The following CERS6 variants were observed in gnomAD, a reference collection of about 807,000 sequenced individuals.
CERS6 encodes ceramide synthase 6, also known as LAG1 homolog, ceramide synthase 6.
CERS6 carries 26 observed loss-of-function variants against 56.8 expected under a neutral mutation model. The observed-to-expected ratio is 0.46, with a 90% CI of 0.34 to 0.63. The LOEUF (loss-of-function observed/expected upper bound fraction) is 0.63. Among genes scored for constraint, CERS6 ranks in the 30% least tolerant of loss-of-function variants. The probability of loss-of-function intolerance (pLI) is 0.01; values close to 1 mark genes in which losing one functional copy is unlikely to be tolerated. For synonymous variants in CERS6, 164 were observed against 173.3 expected, an observed-to-expected ratio of 0.95 and a Z score of 0.42; for missense variants, 415 against 467.5, an observed-to-expected ratio of 0.89 and a Z score of 1.04.
chr2:168,743,536 G>T, intron 8 of CERS6, among the ~76,000 whole-genome samples: 1 of 95,450 alleles, frequency 1.0e-5, no homozygotes, highest in Admixed American at 1.3e-4. Context: ...TTGGGAAGCT[G>T]AGGCGAGACT....
intron 3 of CERS6, among the ~76,000 whole-genome samples, chr2:168,594,339 C>T (rs1395988823): frequency 6.6e-6 from 1 of 152,132 alleles, no homozygotes; most frequent in African/African-American, 2.4e-5. Context: ...AATCCTAGCA[C>T]TTTGGGAGGC....
At chr2:168,651,909 A>G (rs1337567379) in intron 4 of CERS6, among the ~76,000 whole-genome samples, 1 of 152,216 alleles carries the variant, frequency 6.6e-6, no homozygotes, top group Non-Finnish European at 1.5e-5. Flanking sequence ...CAGGCAGTTC[A>G]TAAGGCAAGG....
At chr2:168,527,068 C>T (rs1315889141) in intron 1 of CERS6, among the ~76,000 whole-genome samples, 1 of 152,180 alleles carries the variant, frequency 6.6e-6, no homozygotes, top group Non-Finnish European at 1.5e-5. Flanking sequence ...TTGCCGGCTT[C>T]TTCCCTATAG....
At chr2:168,744,527 C>T (rs1372754262) in intron 8 of CERS6, among the ~76,000 whole-genome samples, 2 of 152,184 alleles carry the variant, frequency 1.3e-5, no homozygotes, top group Non-Finnish European at 2.9e-5. Flanking sequence ...AAGCTTTGAG[C>T]AGCTCTCAGT....
At chr2:168,486,859 A>G (rs530479383) in intron 1 of CERS6, among the ~76,000 whole-genome samples, 1 of 152,162 alleles carries the variant, frequency 6.6e-6, no homozygotes, top group Non-Finnish European at 1.5e-5. Flanking sequence ...AGCATTTCAC[A>G]TCTCCTTGTC....
intron 3 of CERS6, among the ~76,000 whole-genome samples, chr2:168,626,458 C>A (rs1318760088): frequency 6.6e-6 from 1 of 152,132 alleles, no homozygotes; most frequent in Non-Finnish European, 1.5e-5. Flanking sequence ...GCTTCAAATG[C>A]ACATTTTAGT....
intron 1 of CERS6, among the ~76,000 whole-genome samples, chr2:168,496,907 G>GCAGC (rs1455651066): frequency 6.6e-6 from 1 of 152,202 alleles, no homozygotes; most frequent in Non-Finnish European, 1.5e-5. Flanking sequence ...CTGACAATTT[G>GCAGC]CAGCCATCAC....
chr2:168,630,927 A>G (rs1188100614), intron 3 of CERS6, 58 bp from the exon 4 acceptor site: 14 of 747,140 alleles, frequency 1.9e-5, no homozygotes, highest in South Asian at 1.7e-4. Context: ...TACATATTTC[A>G]GTATATGCTG....
intron 3 of CERS6, among the ~76,000 whole-genome samples, chr2:168,610,039 G>A (rs181633375): frequency 0.017 from 2,518 of 146,612 alleles, 26 homozygotes; most frequent in Middle Eastern, 0.038. Flanking sequence ...GTGCAGTGGC[G>A]CGACCTCGGC....
intron 3 of CERS6, among the ~76,000 whole-genome samples, chr2:168,621,297 T>C (rs116685219): frequency 0.024 from 3,728 of 152,314 alleles, 163 homozygotes; most frequent in African/African-American, 0.085. Flanking sequence ...GAAGTCATAT[T>C]GACTGAATTT....
chr2:168,698,944 G>A (rs2105370376), intron 6 of CERS6, among the ~76,000 whole-genome samples: 1 of 152,282 alleles, frequency 6.6e-6, no homozygotes, highest in South Asian at 2.1e-4. Flanking sequence ...GATTAGATTT[G>A]TACATTCCTG....
rs575469649 is a variant in CERS6, at chr2:168,531,973, A to G, written c.171-15623A>G. On this transcript the variant is annotated intron_variant, in intron 1 of 9. Coordinates refer to ENST00000305747, the MANE Select transcript of CERS6 (RefSeq NM_203463.3). ...CCATTGTGAGAGGTGCTCAGACAAAATTTGCCAGGTAGATTTTATTGTCTT... is the reference window on the plus strand; with the variant it reads ...CCATTGTGAGAGGTGCTCAGACAAAGTTTGCCAGGTAGATTTTATTGTCTT... Among the ~76,000 whole-genome samples, 51 of 152,254 alleles carry G rather than the reference A, an allele frequency of 3.3e-4. 2 individuals carry two copies. The South Asian group carries it at 0.01, about 30-fold the overall frequency.
intron 3 of CERS6, among the ~76,000 whole-genome samples, chr2:168,577,290 C>T (rs78581287): frequency 6.2e-4 from 95 of 152,254 alleles, no homozygotes; most frequent in Non-Finnish European, 1.0e-3. Flanking sequence ...AGACATTCAT[C>T]GTTGGCTGTG....
chr2:168,689,821 A>G (rs1207840040), intron 4 of CERS6, among the ~76,000 whole-genome samples: 1 of 152,188 alleles, frequency 6.6e-6, no homozygotes. Flanking sequence ...GGTTTAGGGC[A>G]GTGCATGGCT....
rs148695023 is a variant in CERS6, at chr2:168,731,369, A to G, written c.845+13391A>G. On this transcript the variant is annotated intron_variant, in intron 8 of 9. Coordinates refer to ENST00000305747, the MANE Select transcript of CERS6 (RefSeq NM_203463.3). ...GTAAAATATTTTTCAGTGGCTTTTT[A>G]TTATACCTTTTGACTAATAATAAAT... Among the ~76,000 whole-genome samples, 593 of 152,272 alleles carry G rather than the reference A, an allele frequency of 3.9e-3. 2 individuals are homozygous for G. The highest frequency in any genetic ancestry group is 0.013 in the African/African-American group (556 of 41,560).
intron 7 of CERS6, among the ~76,000 whole-genome samples, chr2:168,715,618 A>G (rs2105390027): frequency 6.6e-6 from 1 of 152,264 alleles, no homozygotes; most frequent in East Asian, 1.9e-4. Context: ...TGTTTTCTAT[A>G]TATGTAAGTA....
At chr2:168,622,982 T>G (rs1182579333) in intron 3 of CERS6, among the ~76,000 whole-genome samples, 1 of 152,240 alleles carries the variant, frequency 6.6e-6, no homozygotes, top group African/African-American at 2.4e-5. Context: ...TTTATTTTAT[T>G]GTTTAAGACA....
At chr2:168,489,817 A>C (rs1024312187) in intron 1 of CERS6, among the ~76,000 whole-genome samples, 4 of 152,024 alleles carry the variant, frequency 2.6e-5, no homozygotes, top group South Asian at 2.1e-4. Flanking sequence ...TGGGTTTCTC[A>C]GAGTTGGAAT....
Position 168,456,706 on chromosome 2 carries a change from GC to G in CERS6, c.170+93del. 7.6e-7 allele frequency: 1 copy of G among 1,317,066 alleles called. No homozygotes were observed. The highest frequency in any genetic ancestry group is 1.1e-6 in the Non-Finnish European group (1 of 950,430). The allele number at this position is 1,317,066 out of a possible 1,614,324, so 81.6% of individuals were successfully genotyped here. A position where few individuals can be genotyped will look rare whatever the true frequency, so the allele number is the denominator to read the frequency against. On this transcript the variant is annotated intron_variant, in intron 1 of 9. Coordinates refer to ENST00000305747, the MANE Select transcript of CERS6 (RefSeq NM_203463.3). The surrounding 1 kb of genome is among the most constrained non-coding windows in gnomAD (Gnocchi z 4.1). ...CGCGCTCTCTGGCGCACGCCCCCGC[GC>G]CCCCAACGCTCGCGTTCACGCCTCC...
Sources: gnomAD v4.1 joint callset for allele counts (sites outside exome capture counted in the v4.1 genomes callset) on GRCh38, gnomAD v4.1.1 for gene constraint, Gnocchi (gnomAD v3.1) non-coding constraint, MANE v1.5 for transcripts, NCBI Gene and HGNC (gene_info 2026-07-23, HGNC 2026-07-21) for gene names.